Variants in AGBL4 observed in about 807,000 individuals in gnomAD.
The protein encoded by AGBL4 is cytosolic carboxypeptidase 6.
AGBL4 carries 58 observed loss-of-function variants against 66.4 expected under a neutral mutation model. The observed-to-expected ratio is 0.87, with a 90% CI of 0.71 to 1.09. The LOEUF (loss-of-function observed/expected upper bound fraction) is 1.09. Ranked by LOEUF, AGBL4 falls within the 50% of genes least tolerant of loss-of-function variation. The pLI is 0.00. For missense variants in AGBL4, 579 were observed against 631.0 expected (o/e 0.92, Z 0.88); for synonymous variants, 234 against 222.9 (o/e 1.05, Z -0.44).
At chr1:49,610,555 G>A (rs1241783423) in intron 3 of AGBL4, among the ~76,000 whole-genome samples, 1 of 152,190 alleles carries the variant, frequency 6.6e-6, no homozygotes, top group Non-Finnish European at 1.5e-5. Flanking sequence ...GGTATTAAGA[G>A]ATGGAGACAC....
intron 5 of AGBL4, among the ~76,000 whole-genome samples, chr1:48,983,305 A>G (rs2148967729): frequency 6.6e-6 from 1 of 152,254 alleles, no homozygotes; most frequent in South Asian, 2.1e-4. Context: ...GCTGAAAAAA[A>G]GAGGTTGAGA....
intron 1 of AGBL4, among the ~76,000 whole-genome samples, chr1:49,927,702 A>T (rs1300456526): frequency 6.6e-6 from 1 of 152,140 alleles, no homozygotes; most frequent in Admixed American, 6.5e-5. Context: ...AATGGGAAAG[A>T]ATGAAGCACA....
chr1:49,906,669 C>T (rs1650307519), intron 1 of AGBL4, among the ~76,000 whole-genome samples: 1 of 151,856 alleles, frequency 6.6e-6, no homozygotes, highest in Admixed American at 6.6e-5. Context: ...ATACCTAGTC[C>T]ATTTCCAACA....
chr1:49,748,155 T>TC (rs1420545057), intron 2 of AGBL4, among the ~76,000 whole-genome samples: 5 of 151,966 alleles, frequency 3.3e-5, no homozygotes, highest in Admixed American at 6.6e-5. Flanking sequence ...ATGCTATCCC[T>TC]CCCCTTGCGC....
At chr1:49,483,711 C>T (rs1015555496) in intron 3 of AGBL4, among the ~76,000 whole-genome samples, 11 of 151,850 alleles carry the variant, frequency 7.2e-5, no homozygotes, top group Admixed American at 2.0e-4. Flanking sequence ...AGTAACGCTC[C>T]GCAAGCACAG....
At chr1:49,945,661 AAAAGT>A (rs1404184789) in intron 1 of AGBL4, among the ~76,000 whole-genome samples, 1 of 151,990 alleles carries the variant, frequency 6.6e-6, no homozygotes, top group East Asian at 1.9e-4. Context: ...TATAATTTTA[AAAAGT>A]AAAGAGGCAA....
At chr1:49,448,481 G>A (rs1407320360) in intron 3 of AGBL4, among the ~76,000 whole-genome samples, 1 of 152,152 alleles carries the variant, frequency 6.6e-6, no homozygotes, top group African/African-American at 2.4e-5. Context: ...TTTACTGATT[G>A]CTCTAGCATG....
intron 4 of AGBL4, among the ~76,000 whole-genome samples, chr1:49,168,435 C>T (rs1646672678): frequency 6.6e-6 from 1 of 152,122 alleles, no homozygotes; most frequent in Admixed American, 6.6e-5. Context: ...CTTGATGCTA[C>T]CAATAACCCT....
intron 1 of AGBL4, among the ~76,000 whole-genome samples, chr1:49,972,469 C>T (rs1658212135): frequency 6.6e-6 from 1 of 152,118 alleles, no homozygotes; most frequent in Non-Finnish European, 1.5e-5. Flanking sequence ...TAATGGCCTA[C>T]AATTCCATCA....
At chr1:49,926,034 G>A (rs1045008064) in intron 1 of AGBL4, among the ~76,000 whole-genome samples, 3 of 152,186 alleles carry the variant, frequency 2.0e-5, no homozygotes, top group African/African-American at 7.2e-5. Context: ...AGCAAACATA[G>A]GTGGTAGCCA....
At chr1:49,442,814 G>T (rs1646065879) in intron 3 of AGBL4, among the ~76,000 whole-genome samples, 1 of 152,032 alleles carries the variant, frequency 6.6e-6, no homozygotes, top group Non-Finnish European at 1.5e-5. Flanking sequence ...TTAGTTCTTT[G>T]AGAAATCTCC....
At chr1:49,556,775 A>G (rs542988424) in intron 3 of AGBL4, among the ~76,000 whole-genome samples, 1 of 152,016 alleles carries the variant, frequency 6.6e-6, no homozygotes, top group South Asian at 2.1e-4. Context: ...GTCCGTCGGG[A>G]AGGCTCGTGC....
chr1:48,537,263 T>C (rs1026216557), intron 12 of AGBL4, among the ~76,000 whole-genome samples: 1 of 152,064 alleles, frequency 6.6e-6, no homozygotes, highest in Non-Finnish European at 1.5e-5. Flanking sequence ...GGTGTGTGCA[T>C]AGGGAGGAGG....
intron 1 of AGBL4, among the ~76,000 whole-genome samples, chr1:49,942,810 AG>A (rs1432400738): frequency 6.6e-6 from 1 of 152,200 alleles, no homozygotes; most frequent in East Asian, 1.9e-4. Flanking sequence ...AGACAACAAA[AG>A]CAAAAAATAG....
At chr1:49,303,809 T>C (rs922270341) in intron 3 of AGBL4, among the ~76,000 whole-genome samples, 3 of 152,094 alleles carry the variant, frequency 2.0e-5, no homozygotes, top group Admixed American at 2.0e-4. Flanking sequence ...TCTGTTCATG[T>C]CCTTTGCCTG....
chr1:49,820,864 A>C (rs1209488997), intron 2 of AGBL4, among the ~76,000 whole-genome samples: 5 of 152,194 alleles, frequency 3.3e-5, no homozygotes, highest in African/African-American at 1.2e-4. Flanking sequence ...AGTTAAGCGC[A>C]CTTAGTCAAG....
intron 3 of AGBL4, among the ~76,000 whole-genome samples, chr1:49,289,529 G>C (rs890912352): frequency 6.6e-6 from 1 of 152,240 alleles, no homozygotes; most frequent in South Asian, 2.1e-4. Flanking sequence ...GGGCTTCTGA[G>C]GTGTGGCTCA....
intron 2 of AGBL4, among the ~76,000 whole-genome samples, chr1:49,703,114 T>C (rs1289039126): frequency 6.6e-6 from 1 of 151,962 alleles, no homozygotes; most frequent in East Asian, 1.9e-4. Context: ...AAAAAAAGCA[T>C]TCATATTGAA....
At chr1:49,776,618 T>A (rs1054204100) in intron 2 of AGBL4, among the ~76,000 whole-genome samples, 2 of 152,090 alleles carry the variant, frequency 1.3e-5, no homozygotes, top group African/African-American at 4.8e-5. Context: ...CTACTCTTCA[T>A]CACTGCTCTT....
Sources: gnomAD v4.1 joint callset for allele counts (sites outside exome capture counted in the v4.1 genomes callset) on GRCh38, gnomAD v4.1.1 for gene constraint, MANE v1.5 for transcripts, NCBI Gene and HGNC (gene_info 2026-07-23, HGNC 2026-07-21) for gene names.